PARD3: variants seen among roughly 807,000 people sequenced by gnomAD.
PARD3 encodes the protein partitioning defective 3 homolog.
A neutral mutation model predicts 155.4 loss-of-function variants in PARD3; 75 were observed. The observed-to-expected ratio is 0.48, with a 90% CI of 0.40 to 0.58. The LOEUF is 0.58. PARD3 is among the 20% of genes least tolerant of loss of function. PARD3 has a pLI of 0.00. For synonymous variants in PARD3, 576 were observed against 610.5 expected (o/e 0.94, Z 0.83); for missense variants, 1,642 against 1,721.7 (o/e 0.95, Z 0.82).
intron 20 of PARD3, among the ~76,000 whole-genome samples, chr10:34,290,255 A>G (rs1472078237): frequency 3.3e-5 from 5 of 152,230 alleles, no homozygotes; most frequent in Non-Finnish European, 5.9e-5. Context: ...TTTTTAAAAA[A>G]GTCTTAAAAA....
intron 22 of PARD3, among the ~76,000 whole-genome samples, chr10:34,136,846 T>C (rs12356058): frequency 6.6e-6 from 1 of 152,232 alleles, no homozygotes; most frequent in Non-Finnish European, 1.5e-5. Context: ...AATTGTCCCC[T>C]GACCCAAATA....
intron 2 of PARD3, among the ~76,000 whole-genome samples, chr10:34,542,234 T>TGTGTGTGCAC (rs143582528): frequency 0.22 from 32,715 of 146,108 alleles, 4,030 homozygotes; most frequent in Non-Finnish European, 0.23. Flanking sequence ...TGTGTGTGTG[T>TGTGTGTGCAC]GTGTGCACAC....
chr10:34,313,799 G>T (rs946013849), intron 20 of PARD3, among the ~76,000 whole-genome samples: 4 of 152,140 alleles, frequency 2.6e-5, no homozygotes, highest in Admixed American at 2.6e-4. Context: ...GGATGGTAGA[G>T]GGAGGAGAGC....
chr10:34,426,627 G>C (rs185387762), intron 5 of PARD3: 18 of 152,216 alleles, frequency 1.2e-4, no homozygotes, highest in Admixed American at 2.6e-4. Context: ...TTAAGTTTAA[G>C]ACTAATATCT....
chr10:34,264,152 A>AT (rs1449037409), intron 22 of PARD3, among the ~76,000 whole-genome samples: 1 of 152,118 alleles, frequency 6.6e-6, no homozygotes, highest in African/African-American at 2.4e-5. Context: ...TCTATTTTTC[A>AT]TTTTTAGTAC....
At chr10:34,264,594 T>C (rs2133827168) in intron 22 of PARD3, among the ~76,000 whole-genome samples, 1 of 152,238 alleles carries the variant, frequency 6.6e-6, no homozygotes, top group East Asian at 1.9e-4. Flanking sequence ...GTCAGCCCCA[T>C]TTCACTCAGG....
At chr10:34,429,559 G>GTTTT (rs200421556) in intron 5 of PARD3, among the ~76,000 whole-genome samples, 771 of 31,162 alleles carry the variant, frequency 0.025, 6 homozygotes, top group African/African-American at 0.093. Context: ...ACTCAGTTTT[G>GTTTT]TTTTGTTTTG....
At chr10:34,373,625 A>G (rs899553732) in intron 11 of PARD3, among the ~76,000 whole-genome samples, 8 of 151,904 alleles carry the variant, frequency 5.3e-5, no homozygotes, top group African/African-American at 9.7e-5. Context: ...CAGTGGGGGG[A>G]AAACGAAAAA....
At chr10:34,458,849 T>C (rs2077473447) in intron 4 of PARD3, among the ~76,000 whole-genome samples, 1 of 152,174 alleles carries the variant, frequency 6.6e-6, no homozygotes, top group Non-Finnish European at 1.5e-5. Context: ...AGGGCCAACA[T>C]GGCCCCTGAA....
chr10:34,411,603 C>T (rs1287878408), intron 5 of PARD3, among the ~76,000 whole-genome samples: 2 of 152,116 alleles, frequency 1.3e-5, no homozygotes, highest in Non-Finnish European at 2.9e-5. Context: ...CTGATCCTTA[C>T]ACCATTGGTT....
chr10:34,633,614 A>G (rs2092359600), intron 2 of PARD3, among the ~76,000 whole-genome samples: 1 of 152,216 alleles, frequency 6.6e-6, no homozygotes, highest in South Asian at 2.1e-4. Context: ...TCTTAGCTAC[A>G]GTGAACGGCG....
intron 20 of PARD3, among the ~76,000 whole-genome samples, chr10:34,311,739 C>A (rs1957710057): frequency 6.7e-6 from 1 of 148,704 alleles, no homozygotes; most frequent in African/African-American, 2.6e-5. Context: ...TTTCCTACAC[C>A]ACCACCCCCC....
chr10:34,429,024 T>C (rs1251367478), intron 5 of PARD3, among the ~76,000 whole-genome samples: 1 of 152,174 alleles, frequency 6.6e-6, no homozygotes, highest in Non-Finnish European at 1.5e-5. Flanking sequence ...TTTTTAGAAG[T>C]CATAGTCAGA....
At chr10:34,605,384 G>C (rs542138680) in intron 2 of PARD3, among the ~76,000 whole-genome samples, 2 of 148,106 alleles carry the variant, frequency 1.4e-5, no homozygotes, top group Non-Finnish European at 3.0e-5. Context: ...TAGTAGACAC[G>C]GGGTTTCATC....
intron 3 of PARD3, among the ~76,000 whole-genome samples, chr10:34,509,842 T>A (rs1279486815): frequency 6.6e-6 from 1 of 152,152 alleles, no homozygotes; most frequent in Non-Finnish European, 1.5e-5. Context: ...ACAATTGATG[T>A]ACAACTGTGC....
chr10:34,244,314 T>C (rs1486766412), intron 22 of PARD3, among the ~76,000 whole-genome samples: 1 of 152,214 alleles, frequency 6.6e-6, no homozygotes, highest in East Asian at 1.9e-4. Context: ...TATTTCTTAC[T>C]CAGGAAACAT....
intron 20 of PARD3, among the ~76,000 whole-genome samples, chr10:34,291,554 C>G (rs936518752): frequency 1.3e-5 from 2 of 152,158 alleles, no homozygotes; most frequent in Non-Finnish European, 2.9e-5. Flanking sequence ...GTGTTATCAT[C>G]CTCATGCTTA....
rs909750808 is a variant in PARD3, at chr10:34,753,069, C to G, written c.121-56650G>C. 2.0e-5 allele frequency among the ~76,000 whole-genome samples: 3 copies of G among 152,248 alleles called. No individual in the cohort carries two copies. In the East Asian group the frequency reaches 5.8e-4, roughly 29 times the overall value. ...CCTCCTTAATGCACTTCAGTCATCT[C>G]AGCCTGTTGTTTCAGTTCCAAGGAC... On this transcript the variant is annotated intron_variant, in intron 1 of 24. Transcript: ENST00000374788.
Position 34,242,803 on chromosome 10 carries a change from C to G in PARD3, c.3419+26854G>C, listed in dbSNP as rs372334424. 1.4e-4 allele frequency among the ~76,000 whole-genome samples: 21 copies of G among 152,200 alleles called. No individual in the cohort carries two copies. The East Asian group carries it at 1.7e-3, about 13-fold the overall frequency. ...ACAAAAAATTAGCTGGGCGTGGTGGCGCACACCTGTAATCCCAGCTACTCG... is the reference window on the plus strand; with the variant it reads ...ACAAAAAATTAGCTGGGCGTGGTGGGGCACACCTGTAATCCCAGCTACTCG... On this transcript the variant is annotated intron_variant, in intron 22 of 24. Transcript: ENST00000374788.
Sources: gnomAD v4.1 joint callset for allele counts (sites outside exome capture counted in the v4.1 genomes callset) on GRCh38, gnomAD v4.1.1 for gene constraint, MANE v1.5 for transcripts, NCBI Gene and HGNC (gene_info 2026-07-23, HGNC 2026-07-21) for gene names.